The following FCHO2 variants were observed in gnomAD, a reference collection of about 807,000 sequenced individuals.
The protein encoded by FCHO2 is FCH and mu domain containing endocytic adaptor 2.
In FCHO2, 43 loss-of-function variants were observed where a neutral mutation model predicts 114.1. That is an observed-to-expected ratio of 0.38 (90% CI 0.30 to 0.49). The LOEUF is 0.49. Among genes scored for constraint, FCHO2 ranks in the 20% least tolerant of loss-of-function variants. The pLI is 0.97. For missense variants in FCHO2, 807 were observed against 950.4 expected (o/e 0.85, Z 1.98); for synonymous variants, 293 against 315.2 (o/e 0.93, Z 0.75).
intron 8 of FCHO2, among the ~76,000 whole-genome samples, chr5:73,020,337 C>T (rs1344151426): frequency 6.6e-6 from 1 of 152,156 alleles, no homozygotes; most frequent in Non-Finnish European, 1.5e-5. Flanking sequence ...GGCAGTAGGG[C>T]TACAGTCTAC....
At chr5:73,024,576 T>C (rs194491) in intron 8 of FCHO2, among the ~76,000 whole-genome samples, 132,157 of 151,964 alleles carry the variant, frequency 0.87, 57,820 homozygotes, top group African/African-American at 0.96. Flanking sequence ...GTAGCTGGGA[T>C]TACAGGTGCC....
chr5:72,989,651 A>C, intron 3 of FCHO2, 150 bp downstream of exon 3: 1 of 571,464 alleles, frequency 1.7e-6, no homozygotes, highest in Non-Finnish European at 3.0e-6. Flanking sequence ...TCTTCACTTG[A>C]TAGAAAATAT....
chr5:72,989,096 G>A (rs550484070), intron 2 of FCHO2, among the ~76,000 whole-genome samples: 1 of 152,244 alleles, frequency 6.6e-6, no homozygotes, highest in African/African-American at 2.4e-5. Context: ...TGTAGTGTGA[G>A]CTACTCAGGA....
At chr5:73,078,396 C>A in intron 22 of FCHO2, 84 bp downstream of exon 22, 1 of 1,229,124 alleles carries the variant, frequency 8.1e-7, no homozygotes, top group Non-Finnish European at 1.1e-6. Context: ...TATGTCATAG[C>A]CAAGTGAGTT....
At chr5:72,980,117 C>T (rs1753121936) in intron 2 of FCHO2, among the ~76,000 whole-genome samples, 1 of 152,158 alleles carries the variant, frequency 6.6e-6, no homozygotes. Context: ...ACTGTTTCAG[C>T]TGTGTCCCAG....
intron 1 of FCHO2, among the ~76,000 whole-genome samples, chr5:72,958,623 G>A (rs1751687870): frequency 6.6e-6 from 1 of 152,172 alleles, no homozygotes; most frequent in South Asian, 2.1e-4. Context: ...GAATCAGGAA[G>A]TATGAGTCCT....
At chr5:73,030,638 T>C (rs1424416717) in intron 8 of FCHO2, among the ~76,000 whole-genome samples, 1 of 152,214 alleles carries the variant, frequency 6.6e-6, no homozygotes, top group Non-Finnish European at 1.5e-5. Flanking sequence ...CAAAATGTGA[T>C]TCCAGGACCA....
At chr5:73,019,241 G>A (rs1355447883) in intron 8 of FCHO2, among the ~76,000 whole-genome samples, 1 of 152,188 alleles carries the variant, frequency 6.6e-6, no homozygotes, top group African/African-American at 2.4e-5. Context: ...TTTGCCAAGT[G>A]TAAAATTCAT....
intron 5 of FCHO2, 118 bp from the exon 6 acceptor site, chr5:73,006,327 G>C: frequency 1.8e-6 from 1 of 553,292 alleles, no homozygotes; most frequent in Non-Finnish European, 2.9e-6. Context: ...ATCAAAGTTA[G>C]TTATATGTCA....
intron 25 of FCHO2, 94 bp downstream of exon 25, chr5:73,087,847 G>C (rs1743363294): frequency 8.7e-6 from 13 of 1,497,272 alleles, no homozygotes; most frequent in Non-Finnish European, 3.6e-6. Flanking sequence ...ATAATCTAAA[G>C]ACATGGAAAT....
At chr5:73,071,360 C>T (rs953998478) in intron 19 of FCHO2, among the ~76,000 whole-genome samples, 3 of 151,702 alleles carry the variant, frequency 2.0e-5, no homozygotes, top group Non-Finnish European at 4.4e-5. Flanking sequence ...AGGGCAAAGG[C>T]TGTCATATAC....
rs762026851 is a variant in FCHO2 at position 72,998,823 on chromosome 5, A to AT, written c.496-7608dup. On this transcript the variant is annotated intron_variant, in intron 5 of 25. Transcript: ENST00000430046. ...GTAATGATTTAGATGCAATTAAAGGATTTTTTTTTTTTTTGTCTAGAGATG... is the reference window on the plus strand; with the variant it reads ...GTAATGATTTAGATGCAATTAAAGGATTTTTTTTTTTTTTTGTCTAGAGATG... Among the ~76,000 whole-genome samples the AT allele has an allele frequency of 9.2e-3, 1,295 of 140,768 alleles. 18 individuals are homozygous for AT. The highest frequency in any genetic ancestry group is 0.028 in the African/African-American group (1,066 of 38,428). 92.3% of individuals were successfully genotyped at this position (140,768 alleles called of 152,430 possible).
intron 2 of FCHO2, among the ~76,000 whole-genome samples, chr5:72,972,176 C>T (rs1233618886): frequency 7.2e-5 from 11 of 152,006 alleles, no homozygotes; most frequent in South Asian, 2.1e-4. Flanking sequence ...ATTGACTTGG[C>T]GATGCGGGCT....
At chr5:72,970,689 T>TTTTTTTA (rs965112261) in intron 2 of FCHO2, among the ~76,000 whole-genome samples, 1 of 151,926 alleles carries the variant, frequency 6.6e-6, no homozygotes, top group African/African-American at 2.4e-5. Flanking sequence ...TCTTTTTCTT[T>TTTTTTTA]TTTTTTATTT....
rs577450999 is a variant in FCHO2, at chr5:73,070,763, T to A, written c.1579+1984T>A. 2.6e-5 allele frequency among the ~76,000 whole-genome samples: 4 copies of A among 152,178 alleles called. No homozygotes were observed. The East Asian group carries it at 7.7e-4, about 29-fold the overall frequency. ...GTGAATTTTATACAACAAAGATTTTTAAAATCTACCTAAAAAGTTCTCTTT... is the reference window on the plus strand; with the variant it reads ...GTGAATTTTATACAACAAAGATTTTAAAAATCTACCTAAAAAGTTCTCTTT... On this transcript the variant is annotated intron_variant, in intron 19 of 25. Coordinates refer to ENST00000430046, the MANE Select transcript of FCHO2 (RefSeq NM_138782.3).
At chr5:72,997,750 C>G in intron 5 of FCHO2, 1 of 1,401,614 alleles carries the variant, frequency 7.1e-7, no homozygotes, top group Non-Finnish European at 9.5e-7. Flanking sequence ...TGGGCAGGGT[C>G]TGCCCCTCCA....
rs1028016780 is a variant in FCHO2 at position 73,058,462 on chromosome 5, A to G, written c.1283A>G (p.Asp428Gly). 9 of 1,571,678 alleles carry G rather than the reference A, an allele frequency of 5.7e-6. No individual in the cohort carries two copies. The highest frequency in any genetic ancestry group is 7.8e-6 in the Non-Finnish European group (9 of 1,156,932). ...GGAACCAGTGATTTACTTGCTTGGG[A>G]CCCCCTATTTGGACCATCTCTTGAT... ...EKGTSDLLAW[D>G]PLFGPSLDSS... The change falls in exon 17 of 26, where the codon GAC becomes GGC. Residue 428 changes from aspartate to glycine, a missense_variant. Coordinates refer to ENST00000430046, the MANE Select transcript of FCHO2 (RefSeq NM_138782.3).
At chr5:73,049,174 C>T (rs1009096911) in intron 11 of FCHO2, among the ~76,000 whole-genome samples, 1 of 152,108 alleles carries the variant, frequency 6.6e-6, no homozygotes, top group Admixed American at 6.5e-5. Flanking sequence ...CCGCGCCCGG[C>T]CTGAATTTGC....
At chr5:73,028,817 G>C (rs376248744) in intron 8 of FCHO2, among the ~76,000 whole-genome samples, 2 of 151,804 alleles carry the variant, frequency 1.3e-5, no homozygotes, top group African/African-American at 4.8e-5. Flanking sequence ...TGCCCAGTTA[G>C]TTTTTGTATT....
Sources: gnomAD v4.1 joint callset for allele counts (sites outside exome capture counted in the v4.1 genomes callset) on GRCh38, gnomAD v4.1.1 for gene constraint, MANE v1.5 for transcripts, NCBI Gene and HGNC (gene_info 2026-07-23, HGNC 2026-07-21) for gene names.